MCTP1: variants seen among roughly 807,000 people sequenced by gnomAD.
The protein encoded by MCTP1 is multiple C2 and transmembrane domain-containing protein 1.
A neutral mutation model predicts 120.6 loss-of-function variants in MCTP1; 69 were observed. The ratio of observed to expected loss-of-function variants is 0.57; its 90% confidence interval spans 0.47 to 0.70. The LOEUF (loss-of-function observed/expected upper bound fraction) is 0.70, where lower values mean the gene tolerates loss of function less well. Among genes scored for constraint, MCTP1 ranks in the 30% least tolerant of loss-of-function variants. MCTP1 has a pLI of 0.00. For missense variants in MCTP1, 1,203 were observed against 1,248.8 expected (o/e 0.96, Z 0.55); for synonymous variants, 529 against 493.1 (o/e 1.07, Z -0.96).
intron 5 of MCTP1, among the ~76,000 whole-genome samples, chr5:94,933,366 A>G (rs1232910204): frequency 6.6e-6 from 1 of 151,794 alleles, no homozygotes; most frequent in Non-Finnish European, 1.5e-5. Context: ...TTGATGTTAC[A>G]TGATTTATTA....
chr5:94,961,954 GAT>G (rs1434628982), intron 2 of MCTP1, among the ~76,000 whole-genome samples: 1 of 152,048 alleles, frequency 6.6e-6, no homozygotes, highest in East Asian at 1.9e-4. Flanking sequence ...TCCTTTGCCA[GAT>G]ATATAAATTG....
At chr5:94,863,724 CATG>C (rs563057129) in intron 17 of MCTP1, among the ~76,000 whole-genome samples, 3 of 151,808 alleles carry the variant, frequency 2.0e-5, no homozygotes, top group Non-Finnish European at 4.4e-5. Flanking sequence ...GAAGGAAGTA[CATG>C]ATAAGTGTAC....
intron 3 of MCTP1, among the ~76,000 whole-genome samples, chr5:94,944,370 G>A (rs1339528281): frequency 6.6e-6 from 1 of 152,086 alleles, no homozygotes; most frequent in African/African-American, 2.4e-5. Context: ...TGCATGTACT[G>A]CACATCTTAT....
At chr5:94,962,485 T>C (rs1445690062) in intron 2 of MCTP1, among the ~76,000 whole-genome samples, 1 of 150,002 alleles carries the variant, frequency 6.7e-6, no homozygotes, top group African/African-American at 2.4e-5. Context: ...ATATTGTAGA[T>C]ATATAACATA....
At chr5:94,891,248 A>C (rs1802536620) in intron 11 of MCTP1, among the ~76,000 whole-genome samples, 1 of 152,202 alleles carries the variant, frequency 6.6e-6, no homozygotes, top group Non-Finnish European at 1.5e-5. Context: ...CCCAGGTGAC[A>C]AGGTTCAGTA....
At chr5:94,848,635 T>C (rs1021471152) in intron 17 of MCTP1, among the ~76,000 whole-genome samples, 2 of 152,112 alleles carry the variant, frequency 1.3e-5, no homozygotes, top group African/African-American at 4.8e-5. Flanking sequence ...TGAATTAATT[T>C]CAAATTTCAG....
chr5:94,897,229 A>AT (rs34402712), intron 10 of MCTP1, among the ~76,000 whole-genome samples: 28,838 of 137,140 alleles, frequency 0.21, 3,459 homozygotes, highest in African/African-American at 0.34. Context: ...GGCCTGGCTA[A>AT]TTTTTTTTTT....
chr5:94,879,928 G>A (rs1459921745), intron 12 of MCTP1, among the ~76,000 whole-genome samples: 2 of 152,032 alleles, frequency 1.3e-5, no homozygotes, highest in Admixed American at 1.3e-4. Context: ...TTACAGAATT[G>A]TGTGTAACTA....
At chr5:94,780,651 T>G (rs949669227) in intron 18 of MCTP1, among the ~76,000 whole-genome samples, 6 of 152,288 alleles carry the variant, frequency 3.9e-5, no homozygotes, top group African/African-American at 1.4e-4. Context: ...CGGAGACATA[T>G]AAAGCAATGA....
chr5:94,762,873 A>T (rs1194302854), intron 19 of MCTP1, among the ~76,000 whole-genome samples: 1 of 152,200 alleles, frequency 6.6e-6, no homozygotes, highest in Admixed American at 6.5e-5. Flanking sequence ...ATACTGGAGC[A>T]TGGGAATGAT....
chr5:94,891,192 T>C lies in MCTP1; in HGVS notation c.1840-2220A>G, dbSNP rs1802520494. Reference sequence around the variant, plus strand: ...GCATGAGGATTAACTGTTAATCTTTTATTGTTTTTAAACAGTTGTTTATCA... The same window carrying C: ...GCATGAGGATTAACTGTTAATCTTTCATTGTTTTTAAACAGTTGTTTATCA... On this transcript the variant is annotated intron_variant, in intron 11 of 22. Transcript: ENST00000515393. Among the ~76,000 whole-genome samples the C allele has an allele frequency of 2.0e-5, 3 of 149,382 alleles. 1 individual carries two copies. In the South Asian group the frequency reaches 6.5e-4, roughly 32 times the overall value.
chr5:94,966,663 C>T (rs1239145799), intron 2 of MCTP1, among the ~76,000 whole-genome samples: 4 of 152,128 alleles, frequency 2.6e-5, no homozygotes, highest in East Asian at 1.9e-4. Context: ...GGCGTGGTGG[C>T]GGGCACCTGT....
chr5:95,238,289 T>C (rs1404825670), intron 1 of MCTP1, among the ~76,000 whole-genome samples: 1 of 152,208 alleles, frequency 6.6e-6, no homozygotes, highest in East Asian at 1.9e-4. Context: ...TATATTATTA[T>C]TAATCATTAA....
At chr5:95,129,026 A>G (rs894066806) in intron 1 of MCTP1, among the ~76,000 whole-genome samples, 2 of 152,240 alleles carry the variant, frequency 1.3e-5, no homozygotes, top group African/African-American at 2.4e-5. Flanking sequence ...GAGCTAAAGG[A>G]GCAAAGGATG....
At chr5:95,229,020 T>G (rs1754619706) in intron 1 of MCTP1, among the ~76,000 whole-genome samples, 1 of 152,128 alleles carries the variant, frequency 6.6e-6, no homozygotes, top group Non-Finnish European at 1.5e-5. Context: ...TGAACTAATA[T>G]AGTAGAGAAG....
Position 95,284,520 on chromosome 5 carries a change from G to C in MCTP1, c.56C>G (p.Ser19Cys). The C allele has an allele frequency of 1.3e-6, 2 of 1,498,906 alleles. No homozygotes were observed. The highest frequency in any genetic ancestry group is 1.8e-6 in the Non-Finnish European group (2 of 1,133,128). 92.9% of individuals were successfully genotyped at this position (1,498,906 alleles called of 1,614,324 possible). The change falls in exon 1 of 23, where the codon TCC becomes TGC. Residue 19 changes from serine to cysteine, a missense_variant. By Grantham distance (112) the Ser-to-Cys change is moderately radical (BLOSUM62 -1). Transcript: ENST00000515393. This position sits in a 1 kb window ranked among gnomAD's most constrained non-coding sequence, Gnocchi z 5.2. Reference sequence around the variant, plus strand: ...GTTCTTCCAGAGCCGGGCCTGGAAGGAGGAGGACGCCGCCGGCGGCTCTGG... The same window carrying C: ...GTTCTTCCAGAGCCGGGCCTGGAAGCAGGAGGACGCCGCCGGCGGCTCTGG... ...GEPEPPAASSSFQARLWKNLQ... is the reference protein window; with the variant it reads ...GEPEPPAASSCFQARLWKNLQ...
chr5:94,854,618 C>T (rs1303836892), intron 17 of MCTP1, among the ~76,000 whole-genome samples: 2 of 151,716 alleles, frequency 1.3e-5, no homozygotes, highest in African/African-American at 4.8e-5. Context: ...GAGTAGGTGA[C>T]CAACTTGAGG....
chr5:95,187,825 A>G (rs567282283), intron 1 of MCTP1, among the ~76,000 whole-genome samples: 1 of 152,222 alleles, frequency 6.6e-6, no homozygotes, highest in South Asian at 2.1e-4. Flanking sequence ...GGGTGACTAT[A>G]GTCAATATTA....
At chr5:95,272,445 A>G (rs1759483400) in intron 1 of MCTP1, among the ~76,000 whole-genome samples, 1 of 152,200 alleles carries the variant, frequency 6.6e-6, no homozygotes, top group African/African-American at 2.4e-5. Flanking sequence ...CCATAGGCTA[A>G]TCATCCAAGT....
Sources: gnomAD v4.1 joint callset for allele counts (sites outside exome capture counted in the v4.1 genomes callset) on GRCh38, gnomAD v4.1.1 for gene constraint, Gnocchi (gnomAD v3.1) non-coding constraint, MANE v1.5 for transcripts, NCBI Gene and HGNC (gene_info 2026-07-23, HGNC 2026-07-21) for gene names.